Variants in PXN observed in about 807,000 individuals in gnomAD.
The protein encoded by PXN is testicular tissue protein Li 134.
PXN carries 61 observed loss-of-function variants against 103.6 expected under a neutral mutation model. The ratio of observed to expected loss-of-function variants is 0.59; its 90% CI spans 0.48 to 0.73. The LOEUF (loss-of-function observed/expected upper bound fraction) is 0.73, where lower values mean the gene tolerates loss of function less well. Ranked by LOEUF, PXN falls within the 30% of genes least tolerant of loss-of-function variation. The pLI, the probability that PXN is intolerant of heterozygous loss-of-function variation, is 0.00. For synonymous variants in PXN, 562 were observed against 607.8 expected (o/e 0.92, Z 1.11); for missense variants, 1,274 against 1,460.3 (o/e 0.87, Z 2.08).
intron 1 of PXN, among the ~76,000 whole-genome samples, chr12:120,250,570 T>C (rs527591035): frequency 6.6e-6 from 1 of 152,262 alleles, no homozygotes; most frequent in South Asian, 2.1e-4. Flanking sequence ...TAGTGTTAGA[T>C]GAGCGATTAG....
In PXN at chr12:120,229,238, G is replaced by T. The variant is rs751855211; in HGVS notation, c.14-4861C>A. Among the ~76,000 whole-genome samples the T allele has an allele frequency of 2.0e-5, 3 of 152,156 alleles. No homozygotes were observed. The highest frequency in any genetic ancestry group is 4.4e-5 in the Non-Finnish European group (3 of 68,020). On this transcript the variant is annotated intron_variant, in intron 1 of 14. Coordinates refer to ENST00000637617, the MANE Select transcript of PXN (RefSeq NM_001385981.1). This position sits in a 1 kb window ranked among gnomAD's most constrained non-coding sequence, Gnocchi z 4.0. ...ATGGCACTCAATATCAGATTAAAGA[G>T]AATCAATTAAAACCTTCCGCCCCCA...
intron 1 of PXN, among the ~76,000 whole-genome samples, chr12:120,258,933 G>A (rs1194299209): frequency 6.6e-6 from 1 of 151,966 alleles, no homozygotes; most frequent in Non-Finnish European, 1.5e-5. Flanking sequence ...GCCAGGCGTG[G>A]TGGTGCATGC....
intron 1 of PXN, among the ~76,000 whole-genome samples, chr12:120,244,981 G>A (rs759820448): frequency 6.6e-6 from 1 of 152,014 alleles, no homozygotes; most frequent in South Asian, 2.1e-4. Context: ...TGTGGGTGGG[G>A]AAGGGGAGCT....
Position 120,215,280 on chromosome 12 carries a change from A to G in PXN, c.2404-7T>C. On this transcript the variant is annotated splice_polypyrimidine_tract_variant and splice_region_variant and intron_variant, in intron 10 of 14. Transcript: ENST00000637617. This position sits in a 1 kb window ranked among gnomAD's most constrained non-coding sequence, Gnocchi z 4.9. The stretch of plus-strand genomic sequence containing the variant: ...TCTTCCCCTGGGCCATGAACTGTGG[A>G]CACGGAGGGGGCTGGTCAGGACTCC... The G allele has an allele frequency of 6.3e-7, 1 of 1,580,274 alleles. No homozygotes were observed. Among genetic ancestry groups the G allele is most frequent in the Non-Finnish European group, 8.6e-7 (1 of 1,165,346 alleles).
In PXN at chr12:120,222,510, A is replaced by G; in HGVS notation, c.695+39T>C. 6.5e-7 allele frequency: 1 copy of G among 1,549,470 alleles called. No individual in the cohort carries two copies. Among genetic ancestry groups the G allele is most frequent in the Non-Finnish European group, 8.7e-7 (1 of 1,145,680 alleles). On this transcript the variant is annotated intron_variant, in intron 5 of 14. Transcript: ENST00000637617. This position sits in a 1 kb window ranked among gnomAD's most constrained non-coding sequence, Gnocchi z 4.7. Reference sequence around the variant, plus strand: ...CACTGGACCCGGGGCAGGCTGGGCCAGCCCTTCCCCACCTGGGGAGGGCCC... The same window carrying G: ...CACTGGACCCGGGGCAGGCTGGGCCGGCCCTTCCCCACCTGGGGAGGGCCC...
intron 1 of PXN, among the ~76,000 whole-genome samples, chr12:120,252,945 G>A (rs1385058232): frequency 6.8e-6 from 1 of 146,316 alleles, no homozygotes; most frequent in African/African-American, 2.6e-5. Context: ...TTGCAGTTGA[G>A]CCGAGATCAT....
At chr12:120,227,004 G>A (rs1294972185) in intron 1 of PXN, 1 of 986,804 alleles carries the variant, frequency 1.0e-6, no homozygotes, top group Admixed American at 6.1e-5. Flanking sequence ...GTAAAATCCA[G>A]AATAAGGTCT....
rs772351508 is a variant in PXN, at chr12:120,214,275, C to T, written c.2749-58G>A. The T allele has an allele frequency of 6.0e-5, 88 of 1,458,358 alleles. No individual in the cohort carries two copies. Among genetic ancestry groups the T allele is most frequent in the South Asian group, 1.2e-4 (10 of 82,278 alleles). 90.3% of individuals were successfully genotyped at this position (1,458,358 alleles called of 1,614,324 possible). On this transcript the variant is annotated intron_variant, in intron 12 of 14. Coordinates refer to ENST00000637617, the MANE Select transcript of PXN (RefSeq NM_001385981.1). The surrounding 1 kb of genome is among the most constrained non-coding windows in gnomAD (Gnocchi z 5.0). ...CTCTGGGCAGATCTCACAACTGAGACGCCCAGCAAGGCCGTCCTTCCACCC... is the reference window on the plus strand; with the variant it reads ...CTCTGGGCAGATCTCACAACTGAGATGCCCAGCAAGGCCGTCCTTCCACCC...
intron 1 of PXN, among the ~76,000 whole-genome samples, chr12:120,261,283 CG>C (rs1431432921): frequency 6.6e-6 from 1 of 152,150 alleles, no homozygotes; most frequent in African/African-American, 2.4e-5. Context: ...CTCTGCCTCC[CG>C]GGTTCAAGCG....
rs1880665240 is a variant in PXN at position 120,212,736 on chromosome 12, A to G, written c.2980-156T>C. 1.3e-6 allele frequency: 1 copy of G among 775,312 alleles called. No individual in the cohort carries two copies. Among genetic ancestry groups the G allele is most frequent in the Non-Finnish European group, 1.9e-6 (1 of 528,952 alleles). The allele number at this position is 775,312 out of a possible 1,614,324, so 48.0% of individuals were successfully genotyped here. On this transcript the variant is annotated intron_variant, in intron 14 of 14. Coordinates refer to ENST00000637617, the MANE Select transcript of PXN (RefSeq NM_001385981.1). This position sits in a 1 kb window ranked among gnomAD's most constrained non-coding sequence, Gnocchi z 7.2. The stretch of plus-strand genomic sequence containing the variant: ...GTGTTGTCCTAAACGCTCATTTTTC[A>G]TTTTTATTTTATTAAATAAATTTTT...
chr12:120,232,410 G>A (rs139077867), intron 1 of PXN, among the ~76,000 whole-genome samples: 1 of 152,274 alleles, frequency 6.6e-6, no homozygotes, highest in African/African-American at 2.4e-5. Context: ...GAACATTGTG[G>A]ACACATTTCA....
At position 120,215,834 on chromosome 12, in the gene PXN, G is replaced by C; in HGVS notation, c.2302-173C>G. 5.4e-6 allele frequency: 7 copies of C among 1,286,436 alleles called. No individual in the cohort carries two copies. Among genetic ancestry groups the C allele is most frequent in the Non-Finnish European group, 7.2e-6 (7 of 974,538 alleles). The allele number at this position is 1,286,436 out of a possible 1,614,324, so 79.7% of individuals were successfully genotyped here. ...TGGAGAAAAAGAGCCCTGAGAGAGA[G>C]GCCTAGGGAGAAAGGAAGAAGGACA... On this transcript the variant is annotated intron_variant, in intron 9 of 14. Coordinates refer to ENST00000637617, the MANE Select transcript of PXN (RefSeq NM_001385981.1). The surrounding 1 kb of genome is among the most constrained non-coding windows in gnomAD (Gnocchi z 4.9).
intron 1 of PXN, among the ~76,000 whole-genome samples, chr12:120,238,291 T>G (rs1889490135): frequency 6.6e-6 from 1 of 152,108 alleles, no homozygotes; most frequent in Non-Finnish European, 1.5e-5. Flanking sequence ...CACGTCGTAG[T>G]TAGCCTGCAA....
In PXN at chr12:120,210,593, C is replaced by T. The variant is rs1382756609; in HGVS notation, c.*1721G>A. The T allele has an allele frequency of 6.6e-6, 1 of 152,286 alleles. No individual in the cohort carries two copies. Among genetic ancestry groups the T allele is most frequent in the Non-Finnish European group, 1.5e-5 (1 of 68,064 alleles). The allele number at this position is 152,286 out of a possible 1,614,324, so 9.4% of individuals were successfully genotyped here. ...GAGAATGGACCCCAGAAACCCCAGTCCCTCTTGGGGAAGATCTAGGGTGGG... is the reference window on the plus strand; with the variant it reads ...GAGAATGGACCCCAGAAACCCCAGTTCCTCTTGGGGAAGATCTAGGGTGGG... On this transcript the variant is annotated 3_prime_UTR_variant, in exon 15 of 15. Transcript: ENST00000637617.
chr12:120,260,946 C>T (rs1893788298), intron 1 of PXN, among the ~76,000 whole-genome samples: 1 of 152,202 alleles, frequency 6.6e-6, no homozygotes, highest in African/African-American at 2.4e-5. Context: ...AAACAGTTGG[C>T]TGCAAGTCCC....
rs760377636 is a variant in PXN at position 120,220,026 on chromosome 12, G to A, written c.897C>T (p.Cys299=). The A allele has an allele frequency of 6.5e-6, 10 of 1,527,924 alleles. No individual in the cohort carries two copies. In the East Asian group the frequency reaches 2.2e-4, roughly 34 times the overall value. The allele number at this position is 1,527,924 out of a possible 1,614,324, so 94.6% of individuals were successfully genotyped here. A position where few individuals can be genotyped will look rare whatever the true frequency, so the allele number is the denominator to read the frequency against. ...GLSSSAPSSY[C]SLPPSPPPMP... ...TGGGAGGAGGAGAAGGAGGAAGGGA[G>A]CAGTATGAGGACGGAGCAGAGCTGG... Residue 299 remains cysteine, a synonymous_variant, in exon 7 of 15, where the codon TGC becomes TGT. Coordinates refer to ENST00000637617, the MANE Select transcript of PXN (RefSeq NM_001385981.1). This position sits in a 1 kb window ranked among gnomAD's most constrained non-coding sequence, Gnocchi z 6.1.
chr12:120,214,574 G>A lies in PXN; in HGVS notation c.2748+251C>T, dbSNP rs1372022824. On this transcript the variant is annotated intron_variant, in intron 12 of 14. Coordinates refer to ENST00000637617, the MANE Select transcript of PXN (RefSeq NM_001385981.1). The surrounding 1 kb of genome is among the most constrained non-coding windows in gnomAD (Gnocchi z 5.0). ...ATCCAACTCCATTTATCTCCTCAGG[G>A]CTCCTGAGTCCTGGGAGTCTCCACA... Among the ~76,000 whole-genome samples, 1 of 152,180 alleles carries A rather than the reference G, an allele frequency of 6.6e-6. No individual in the cohort carries two copies. The highest frequency in any genetic ancestry group is 1.9e-4 in the East Asian group (1 of 5,192).
intron 1 of PXN, chr12:120,226,875 G>C: frequency 1.0e-6 from 1 of 994,920 alleles, no homozygotes; most frequent in South Asian, 4.3e-5. Context: ...AGGGCTAGCA[G>C]GTACACTGGA....
intron 3 of PXN, among the ~76,000 whole-genome samples, chr12:120,223,513 T>G (rs1279181643): frequency 6.6e-6 from 1 of 151,970 alleles, no homozygotes; most frequent in Non-Finnish European, 1.5e-5. Flanking sequence ...GGAGATGCTG[T>G]GATAGCCCAG....
Sources: gnomAD v4.1 joint callset for allele counts (sites outside exome capture counted in the v4.1 genomes callset) on GRCh38, gnomAD v4.1.1 for gene constraint, Gnocchi (gnomAD v3.1) non-coding constraint, MANE v1.5 for transcripts, NCBI Gene and HGNC (gene_info 2026-07-23, HGNC 2026-07-21) for gene names.